DLG2: variants seen among roughly 807,000 people sequenced by gnomAD.
DLG2 encodes the protein disks large homolog 2.
Under a neutral mutation model 132.5 loss-of-function variants are expected in DLG2, and 45 were observed. The observed-to-expected ratio is 0.34, with a 90% CI of 0.27 to 0.44. The LOEUF is 0.44. Ranked by LOEUF, DLG2 falls within the 20% of genes least tolerant of loss-of-function variation. DLG2 has a pLI of 1.00. For synonymous variants in DLG2, 424 were observed against 419.6 expected, an observed-to-expected ratio of 1.01 and a Z score of -0.13; for missense variants, 1,045 against 1,196.9, an observed-to-expected ratio of 0.87 and a Z score of 1.87.
chr11:84,701,349 T>G (rs960437596), intron 6 of DLG2, among the ~76,000 whole-genome samples: 1 of 151,660 alleles, frequency 6.6e-6, no homozygotes, highest in Non-Finnish European at 1.5e-5. Context: ...CTTCCATTCT[T>G]TAACATGAGA....
chr11:84,371,569 C>A (rs957961435), intron 7 of DLG2, among the ~76,000 whole-genome samples: 1 of 152,112 alleles, frequency 6.6e-6, no homozygotes, highest in African/African-American at 2.4e-5. Flanking sequence ...TCTACCAGCA[C>A]AGCAAACTTG....
intron 15 of DLG2, among the ~76,000 whole-genome samples, chr11:83,912,173 TTGTCAAATGGAGACATA>T (rs2076192154): frequency 6.6e-6 from 1 of 151,054 alleles, no homozygotes; most frequent in Non-Finnish European, 1.5e-5. Flanking sequence ...TATAAAATTT[TTGTCAAATGGAGACATA>T]TGTCAAATGG....
chr11:84,799,259 C>G (rs914718640), intron 6 of DLG2, among the ~76,000 whole-genome samples: 3 of 152,196 alleles, frequency 2.0e-5, no homozygotes, highest in Non-Finnish European at 4.4e-5. Flanking sequence ...AAGGGCTCTT[C>G]CTCTCTTGCT....
chr11:84,373,396 C>A (rs369952204), intron 7 of DLG2, among the ~76,000 whole-genome samples: 2 of 151,678 alleles, frequency 1.3e-5, no homozygotes, highest in East Asian at 1.9e-4. Flanking sequence ...AAGATGAAAC[C>A]CCGTCTCTAC....
At chr11:84,669,747 T>C (rs1251571007) in intron 6 of DLG2, among the ~76,000 whole-genome samples, 2 of 152,144 alleles carry the variant, frequency 1.3e-5, no homozygotes, top group East Asian at 1.9e-4. Flanking sequence ...TTTGATCAAA[T>C]GGACTGTCAG....
At chr11:85,307,251 G>A (rs1429565066) in intron 3 of DLG2, among the ~76,000 whole-genome samples, 2 of 151,762 alleles carry the variant, frequency 1.3e-5, no homozygotes, top group South Asian at 2.1e-4. Flanking sequence ...GAAAACTGGA[G>A]GAAAAATTAA....
chr11:84,837,864 G>C (rs2080034830), intron 6 of DLG2, among the ~76,000 whole-genome samples: 1 of 151,756 alleles, frequency 6.6e-6, no homozygotes, highest in African/African-American at 2.4e-5. Flanking sequence ...TGGTTTGCCA[G>C]ACCAGCATCA....
chr11:85,506,475 C>T (rs1452883524), intron 3 of DLG2, among the ~76,000 whole-genome samples: 1 of 152,032 alleles, frequency 6.6e-6, no homozygotes, highest in Non-Finnish European at 1.5e-5. Context: ...CATTATGTAC[C>T]CAGTAATCAT....
At chr11:83,903,480 C>T (rs997507060) in intron 15 of DLG2, among the ~76,000 whole-genome samples, 7 of 152,052 alleles carry the variant, frequency 4.6e-5, no homozygotes, top group Non-Finnish European at 8.8e-5. Flanking sequence ...TTAATTGATT[C>T]TCAGTCTCAG....
At chr11:83,510,278 T>A (rs1030838285) in intron 21 of DLG2, among the ~76,000 whole-genome samples, 1 of 152,036 alleles carries the variant, frequency 6.6e-6, no homozygotes, top group African/African-American at 2.4e-5. Flanking sequence ...CCTTGGATGT[T>A]GACTCAGTTT....
chr11:85,172,675 G>T (rs924659623), intron 4 of DLG2, among the ~76,000 whole-genome samples: 1 of 152,120 alleles, frequency 6.6e-6, no homozygotes, highest in Non-Finnish European at 1.5e-5. Flanking sequence ...AACAAACTTT[G>T]CTGAGCTAAA....
At chr11:84,831,020 T>G (rs1343065685) in intron 6 of DLG2, among the ~76,000 whole-genome samples, 2 of 123,804 alleles carry the variant, frequency 1.6e-5, no homozygotes, top group African/African-American at 6.1e-5. Context: ...CACTTCATAA[T>G]ACAATACATT....
chr11:84,714,596 TCTTTCTCTTTCTC>T (rs768403142), intron 6 of DLG2, among the ~76,000 whole-genome samples: 222 of 89,484 alleles, frequency 2.5e-3, no homozygotes, highest in South Asian at 8.4e-3. Flanking sequence ...TCTTTCTCTT[TCTTTCTCTTTCTC>T]TTTCTCTTTC....
At position 84,931,168 on chromosome 11, in the gene DLG2, T is replaced by A. The variant is rs576375288; in HGVS notation, c.357+180493A>T. On this transcript the variant is annotated intron_variant, in intron 6 of 27. Coordinates refer to ENST00000376104, the MANE Select transcript of DLG2 (RefSeq NM_001142699.3). ...ACCACAACCTTTCAGTATTTTTTTT[T>A]AATTTTAAGTTCAGGGGTTCATGTT... 2.2e-4 allele frequency among the ~76,000 whole-genome samples: 34 copies of A among 152,274 alleles called. No individual in the cohort carries two copies. The South Asian group carries it at 5.0e-3, about 22-fold the overall frequency.
In DLG2 at chr11:84,350,187, A is replaced by T. The variant is rs1367107798; in HGVS notation, c.520-98896T>A. On this transcript the variant is annotated intron_variant, in intron 7 of 27. Coordinates refer to ENST00000376104, the MANE Select transcript of DLG2 (RefSeq NM_001142699.3). Reference sequence around the variant, plus strand: ...AGAGAGACTTCGTCCCCCCCCCCAAAAAAAAAAAAAAAAAATCCAGGCTAA... The same window carrying T: ...AGAGAGACTTCGTCCCCCCCCCCAATAAAAAAAAAAAAAAATCCAGGCTAA... 2.9e-4 allele frequency among the ~76,000 whole-genome samples: 42 copies of T among 144,652 alleles called. No homozygotes were observed. In the East Asian group the frequency reaches 8.6e-3, roughly 30 times the overall value. The allele number at this position is 144,652 out of a possible 152,430, so 94.9% of individuals were successfully genotyped here. A position where few individuals can be genotyped will look rare whatever the true frequency, so the allele number is the denominator to read the frequency against.
chr11:83,794,192 C>T (rs1271024028), intron 17 of DLG2, among the ~76,000 whole-genome samples: 1 of 152,174 alleles, frequency 6.6e-6, no homozygotes, highest in Admixed American at 6.5e-5. Context: ...TTTGTTGCTG[C>T]TGTTATCCTG....
At chr11:85,126,973 T>A (rs888362298) in intron 5 of DLG2, among the ~76,000 whole-genome samples, 4 of 152,080 alleles carry the variant, frequency 2.6e-5, no homozygotes, top group African/African-American at 9.7e-5. Flanking sequence ...CAACACAGGT[T>A]GTGGCAGAAA....
chr11:84,023,517 TAA>T (rs1487496048), intron 11 of DLG2, among the ~76,000 whole-genome samples: 1 of 152,152 alleles, frequency 6.6e-6, no homozygotes, highest in Non-Finnish European at 1.5e-5. Flanking sequence ...CACAGCCAAG[TAA>T]ATAGTTTTAT....
chr11:85,580,319 C>T (rs1193911067), intron 3 of DLG2, among the ~76,000 whole-genome samples: 1 of 152,198 alleles, frequency 6.6e-6, no homozygotes, highest in East Asian at 1.9e-4. Context: ...AATGCATTCA[C>T]TGCCAAATCA....
Sources: allele counts gnomAD v4.1 joint callset (sites outside exome capture counted in the v4.1 genomes callset), GRCh38; gene constraint gnomAD v4.1.1; transcripts MANE v1.5; gene names NCBI Gene and HGNC (gene_info 2026-07-23, HGNC 2026-07-21).